The following ATCAY variants were observed in gnomAD, a reference collection of about 807,000 sequenced individuals.
ATCAY encodes the protein caytaxin.
ATCAY carries 22 observed loss-of-function variants against 47.7 expected under a neutral mutation model. That is an observed-to-expected ratio of 0.46 (90% CI 0.33 to 0.66). The LOEUF is 0.66. Among genes scored for constraint, ATCAY ranks in the 30% least tolerant of loss-of-function variants. The pLI, the probability that ATCAY is intolerant of heterozygous loss-of-function variation, is 0.02. For missense variants in ATCAY, 452 were observed against 515.0 expected (o/e 0.88, Z 1.18); for synonymous variants, 216 against 207.6 (o/e 1.04, Z -0.35).
chr19:3,907,606 TG>T lies in ATCAY; in HGVS notation c.359-124del. On this transcript the variant is annotated intron_variant, in intron 4 of 12. Coordinates refer to ENST00000450849, the MANE Select transcript of ATCAY (RefSeq NM_033064.5). The surrounding 1 kb of genome is among the most constrained non-coding windows in gnomAD (Gnocchi z 5.1). ...AAAATGGGTCAGCAGGGCAGCCAGG[TG>T]GGGAGAAGCGAAGGACTTGTGGGTC... 8.8e-7 allele frequency: 1 copy of T among 1,132,064 alleles called. No homozygotes were observed. The highest frequency in any genetic ancestry group is 1.3e-6 in the Non-Finnish European group (1 of 794,554). 70.1% of individuals were successfully genotyped at this position (1,132,064 alleles called of 1,614,324 possible).
At chr19:3,919,075 C>T (rs889641590) in intron 11 of ATCAY, among the ~76,000 whole-genome samples, 198 bp downstream of exon 11, 6 of 150,744 alleles carry the variant, frequency 4.0e-5, no homozygotes, top group South Asian at 2.1e-4. Context: ...GTCAGGAGTT[C>T]GAGACCAGCC....
At chr19:3,897,296 T>TCTATATCTATATCTATAC (rs2038778416) in intron 2 of ATCAY, among the ~76,000 whole-genome samples, 1 of 150,726 alleles carries the variant, frequency 6.6e-6, no homozygotes, top group African/African-American at 2.4e-5. Context: ...AAAATCTATA[T>TCTATATCTATATCTATAC]CTATATCTAT....
intron 2 of ATCAY, among the ~76,000 whole-genome samples, chr19:3,898,057 A>G (rs2038784718): frequency 6.6e-6 from 1 of 152,126 alleles, no homozygotes; most frequent in Admixed American, 6.6e-5. Context: ...ATTTGAAGAC[A>G]TTTTCATCAC....
At chr19:3,908,042 G>C in intron 5 of ATCAY, 123 bp downstream of exon 5, 1 of 1,323,200 alleles carries the variant, frequency 7.6e-7, no homozygotes, top group South Asian at 1.3e-5. Context: ...TCGGGTGGAC[G>C]GACTGTGGGC....
intron 8 of ATCAY, among the ~76,000 whole-genome samples, chr19:3,912,717 C>CA (rs1038133673): frequency 9.9e-5 from 15 of 150,902 alleles, no homozygotes; most frequent in Admixed American, 5.3e-4. Flanking sequence ...TCCATCTCTA[C>CA]AAAAAAAAAT....
chr19:3,923,763 GGTGA>G (rs1324104735), intron 12 of ATCAY, among the ~76,000 whole-genome samples: 2 of 148,992 alleles, frequency 1.3e-5, no homozygotes, highest in Non-Finnish European at 3.0e-5. Context: ...TAGATGGATG[GGTGA>G]GTGGGTGGGT....
intron 2 of ATCAY, among the ~76,000 whole-genome samples, chr19:3,901,681 T>C (rs1342140267): frequency 6.6e-6 from 1 of 152,176 alleles, no homozygotes; most frequent in Non-Finnish European, 1.5e-5. Context: ...TGATGCGTTA[T>C]AATTTTCTTC....
At chr19:3,919,150 C>A (rs1265016321) in intron 11 of ATCAY, among the ~76,000 whole-genome samples, 1 of 150,164 alleles carries the variant, frequency 6.7e-6, no homozygotes, top group Non-Finnish European at 1.5e-5. Flanking sequence ...TGGTGGCTCA[C>A]ATCTGTAATC....
chr19:3,882,570 A>G (rs1044689037), intron 1 of ATCAY, among the ~76,000 whole-genome samples: 5 of 134,796 alleles, frequency 3.7e-5, no homozygotes, highest in Non-Finnish European at 7.9e-5. Context: ...GGCTCAAGCG[A>G]TCCTCCTATC....
In ATCAY at chr19:3,903,814, T is replaced by TG. The variant is rs553690416; in HGVS notation, c.136+1270dup. Among the ~76,000 whole-genome samples the TG allele has an allele frequency of 9.4e-4, 140 of 148,444 alleles. 4 individuals are homozygous for TG. The East Asian group carries it at 0.024, about 25-fold the overall frequency. On this transcript the variant is annotated intron_variant, in intron 3 of 12. Coordinates refer to ENST00000450849, the MANE Select transcript of ATCAY (RefSeq NM_033064.5). ...TGTTGGGATTACGGGCGTGAGCCAC[T>TG]GCACCCGGCCGCCTGTCTCTATTTA...
At position 3,909,236 on chromosome 19, in the gene ATCAY, C is replaced by CA. The variant is rs1219999854; in HGVS notation, c.648-238dup. 7.2e-3 allele frequency among the ~76,000 whole-genome samples: 832 copies of CA among 116,034 alleles called. 9 individuals carry two copies. Among genetic ancestry groups the CA allele is most frequent in the African/African-American group, 0.017 (534 of 32,098 alleles). 76.1% of individuals were successfully genotyped at this position (116,034 alleles called of 152,430 possible). On this transcript the variant is annotated intron_variant, in intron 6 of 12. Coordinates refer to ENST00000450849, the MANE Select transcript of ATCAY (RefSeq NM_033064.5). ...TGGGCAACAGAGCGAGATTCCGTCTCAAAAAAAAAAAACGACTCAATAAAA... is the reference window on the plus strand; with the variant it reads ...TGGGCAACAGAGCGAGATTCCGTCTCAAAAAAAAAAAAACGACTCAATAAAA...
chr19:3,922,193 G>A (rs764857599), intron 12 of ATCAY: 27 of 701,760 alleles, frequency 3.8e-5, no homozygotes, highest in South Asian at 2.5e-4. Flanking sequence ...CTGATGCCAC[G>A]TGGCCCAAGT....
At chr19:3,897,988 A>T (rs1212990634) in intron 2 of ATCAY, among the ~76,000 whole-genome samples, 1 of 152,140 alleles carries the variant, frequency 6.6e-6, no homozygotes, top group Non-Finnish European at 1.5e-5. Flanking sequence ...CATCATTTTA[A>T]AGTTCATGAT....
intron 7 of ATCAY, among the ~76,000 whole-genome samples, chr19:3,910,502 T>C (rs1252806489): frequency 6.6e-6 from 1 of 152,020 alleles, no homozygotes; most frequent in African/African-American, 2.4e-5. Flanking sequence ...GGGCATTAGG[T>C]GGTGAAAATA....
chr19:3,890,247 ATTTTTTTTTTT>A (rs764697276), intron 2 of ATCAY, among the ~76,000 whole-genome samples: 58 of 38,570 alleles, frequency 1.5e-3, no homozygotes, highest in African/African-American at 7.1e-3. Context: ...TCCACCTATA[ATTTTTTTTTTT>A]TTTTTTTTTT....
chr19:3,882,348 G>A (rs2038609527), intron 1 of ATCAY, among the ~76,000 whole-genome samples: 1 of 151,798 alleles, frequency 6.6e-6, no homozygotes, highest in Non-Finnish European at 1.5e-5. Context: ...TTGAAGTAGG[G>A]TCTCTGTTGC....
intron 2 of ATCAY, among the ~76,000 whole-genome samples, chr19:3,894,616 CTG>C (rs1345200907): frequency 7.4e-6 from 1 of 134,682 alleles, no homozygotes; most frequent in Non-Finnish European, 1.6e-5. Flanking sequence ...TGGCGAGACC[CTG>C]TGTCTGCAAA....
In ATCAY at chr19:3,905,368, G is replaced by A; in HGVS notation, c.137-66G>A. The A allele has an allele frequency of 2.7e-6, 4 of 1,458,142 alleles. No individual in the cohort carries two copies. In the South Asian group the frequency reaches 4.1e-5, roughly 15 times the overall value. The allele number at this position is 1,458,142 out of a possible 1,614,324, so 90.3% of individuals were successfully genotyped here. On this transcript the variant is annotated intron_variant, in intron 3 of 12. Coordinates refer to ENST00000450849, the MANE Select transcript of ATCAY (RefSeq NM_033064.5). ...ATGATGAAACAGCTTCCACCAGGTA[G>A]GAAAATGGGGGGAAGGTAAAAGAGA...
rs1312345003 is a variant in ATCAY at position 3,905,606 on chromosome 19, G to C, written c.309G>C (p.Glu103Asp). ...INVDDIETPD[E>D]TDSLEFLGNG... Reference sequence around the variant, plus strand: ...TGGATGACATCGAGACCCCCGATGAGACCGACTCGCTGGAGTTCCTGGGGA... The same window carrying C: ...TGGATGACATCGAGACCCCCGATGACACCGACTCGCTGGAGTTCCTGGGGA... The change falls in exon 4 of 13, where the codon GAG becomes GAC. Residue 103 changes from glutamate (E) to aspartate (D), a missense_variant. Physicochemically the swap from Glu to Asp is conservative, Grantham distance 45. Coordinates refer to ENST00000450849, the MANE Select transcript of ATCAY (RefSeq NM_033064.5). 1 of 1,613,638 alleles carries C rather than the reference G, an allele frequency of 6.2e-7. No homozygotes were observed. Among genetic ancestry groups the C allele is most frequent in the Non-Finnish European group, 8.5e-7 (1 of 1,179,860 alleles).
Sources: gnomAD v4.1 joint callset for allele counts (sites outside exome capture counted in the v4.1 genomes callset) on GRCh38, gnomAD v4.1.1 for gene constraint, Gnocchi (gnomAD v3.1) non-coding constraint, MANE v1.5 for transcripts, NCBI Gene and HGNC (gene_info 2026-07-23, HGNC 2026-07-21) for gene names.